ELF1: variants seen among roughly 807,000 people sequenced by gnomAD.
ELF1 encodes E74 like ETS transcription factor 1.
A neutral mutation model predicts 59.9 loss-of-function variants in ELF1; 24 were observed. That is an observed-to-expected ratio of 0.40 (90% CI 0.29 to 0.56). ELF1 has a LOEUF of 0.56. Ranked by LOEUF, ELF1 falls within the 20% of genes least tolerant of loss-of-function variation. The pLI, the probability that ELF1 is intolerant of heterozygous loss-of-function variation, is 0.44. For missense variants in ELF1, 627 were observed against 742.2 expected, an observed-to-expected ratio of 0.84 and a Z score of 1.80; for synonymous variants, 248 against 266.2, an observed-to-expected ratio of 0.93 and a Z score of 0.67.
At chr13:40,936,825 T>C (rs1292330473) in intron 8 of ELF1, among the ~76,000 whole-genome samples, 1 of 148,598 alleles carries the variant, frequency 6.7e-6, no homozygotes, top group East Asian at 2.0e-4. Flanking sequence ...CGCGTGCCTA[T>C]AATCCCAGCA....
At chr13:40,949,275 C>T (rs958241129) in intron 5 of ELF1, among the ~76,000 whole-genome samples, 6 of 152,004 alleles carry the variant, frequency 3.9e-5, no homozygotes, top group Admixed American at 6.6e-5. Context: ...CATGAGCCAC[C>T]GCACCTGGCC....
At chr13:40,967,432 T>C (rs563399046) in intron 2 of ELF1, among the ~76,000 whole-genome samples, 103 of 152,338 alleles carry the variant, frequency 6.8e-4, no homozygotes, top group African/African-American at 2.4e-3. Flanking sequence ...TCTGGAATTG[T>C]TGTAAGAATA....
At chr13:41,038,611 A>G (rs1876479818) in intron 1 of ELF1, among the ~76,000 whole-genome samples, 1 of 152,266 alleles carries the variant, frequency 6.6e-6, no homozygotes, top group Non-Finnish European at 1.5e-5. Flanking sequence ...CTAACAATTT[A>G]AAAGCACTGC....
At chr13:41,042,591 G>T (rs565457303) in intron 1 of ELF1, among the ~76,000 whole-genome samples, 9 of 152,068 alleles carry the variant, frequency 5.9e-5, no homozygotes. Context: ...AGTTTGCTGA[G>T]AATGATGGTT....
At chr13:41,016,947 AATAT>A (rs1276103107) in intron 1 of ELF1, among the ~76,000 whole-genome samples, 2,279 of 24,710 alleles carry the variant, frequency 0.092, 150 homozygotes, top group South Asian at 0.12. Context: ...AAAAAAAAAA[AATAT>A]ATATATATAT....
At chr13:41,044,691 T>C (rs1159441008) in intron 1 of ELF1, among the ~76,000 whole-genome samples, 1 of 152,198 alleles carries the variant, frequency 6.6e-6, no homozygotes, top group East Asian at 1.9e-4. Flanking sequence ...CTGGATTCAG[T>C]TTGCCAGTAT....
chr13:41,029,402 T>C (rs936080465), intron 1 of ELF1, among the ~76,000 whole-genome samples: 1 of 152,184 alleles, frequency 6.6e-6, no homozygotes, highest in Non-Finnish European at 1.5e-5. Context: ...ATTTCTTTTT[T>C]ATTTTTTTTG....
At chr13:41,047,133 T>C (rs894401973) in intron 1 of ELF1, among the ~76,000 whole-genome samples, 2 of 152,226 alleles carry the variant, frequency 1.3e-5, no homozygotes, top group Non-Finnish European at 2.9e-5. Flanking sequence ...CTCCATCAGG[T>C]CGTTTAAGGA....
At chr13:41,036,832 T>C (rs1322258997) in intron 1 of ELF1, among the ~76,000 whole-genome samples, 2 of 152,292 alleles carry the variant, frequency 1.3e-5, no homozygotes, top group Admixed American at 6.5e-5. Flanking sequence ...GAAACCATCA[T>C]TCTCAGCAAA....
At chr13:40,940,409 A>AC (rs1381508934) in intron 8 of ELF1, among the ~76,000 whole-genome samples, 131 of 146,668 alleles carry the variant, frequency 8.9e-4, no homozygotes, top group African/African-American at 3.2e-3. Flanking sequence ...AAAAAAAAAA[A>AC]AAAAAAAAAC....
At chr13:40,971,098 G>A (rs569885856) in intron 2 of ELF1, among the ~76,000 whole-genome samples, 42 of 151,100 alleles carry the variant, frequency 2.8e-4, no homozygotes, top group Non-Finnish European at 5.9e-4. Context: ...ACCACTACCA[G>A]TACAGGATCC....
chr13:40,979,507 T>C (rs1873133100), intron 2 of ELF1, among the ~76,000 whole-genome samples: 1 of 152,230 alleles, frequency 6.6e-6, no homozygotes, highest in South Asian at 2.1e-4. Flanking sequence ...ACTAGGTAGA[T>C]CTACTGCCTT....
intron 2 of ELF1, among the ~76,000 whole-genome samples, chr13:40,963,077 T>C (rs978562821): frequency 6.6e-6 from 1 of 152,220 alleles, no homozygotes. Flanking sequence ...TATCACTCTA[T>C]TTAATCATCA....
chr13:40,973,140 C>T (rs1203407815), intron 2 of ELF1, among the ~76,000 whole-genome samples: 6 of 152,160 alleles, frequency 3.9e-5, no homozygotes, highest in African/African-American at 1.4e-4. Flanking sequence ...TAAACTGTCA[C>T]CTAAAAGATC....
chr13:40,989,876 C>T (rs1326861019), intron 1 of ELF1, among the ~76,000 whole-genome samples: 1 of 152,132 alleles, frequency 6.6e-6, no homozygotes, highest in Non-Finnish European at 1.5e-5. Context: ...TTGGAGGAAA[C>T]ATAATCTGGA....
intron 1 of ELF1, among the ~76,000 whole-genome samples, chr13:41,058,178 G>C (rs1007900292): frequency 1.3e-5 from 2 of 152,170 alleles, no homozygotes; most frequent in Admixed American, 1.3e-4. Context: ...GACATAAAAT[G>C]TCACTCCTTG....
At chr13:40,958,389 G>A (rs969385320) in intron 3 of ELF1, among the ~76,000 whole-genome samples, 2 of 152,110 alleles carry the variant, frequency 1.3e-5, no homozygotes, top group African/African-American at 4.8e-5. Context: ...TACGGAGGAA[G>A]GCATATAAGA....
chr13:41,009,043 G>A (rs1874907450), intron 1 of ELF1, among the ~76,000 whole-genome samples: 1 of 151,752 alleles, frequency 6.6e-6, no homozygotes, highest in Non-Finnish European at 1.5e-5. Context: ...CCTGCCTCAG[G>A]TTCTCAAGTA....
chr13:40,964,523 T>TA (rs1555273789), intron 2 of ELF1, among the ~76,000 whole-genome samples: 2 of 151,180 alleles, frequency 1.3e-5, no homozygotes, highest in African/African-American at 4.9e-5. Flanking sequence ...CGACTTTTTT[T>TA]AATTGAGACA....
Sources: allele counts gnomAD v4.1 joint callset (sites outside exome capture counted in the v4.1 genomes callset), GRCh38; gene constraint gnomAD v4.1.1; transcripts MANE v1.5; gene names NCBI Gene and HGNC (gene_info 2026-07-23, HGNC 2026-07-21).